The following TIPARP variants were observed in gnomAD, a reference collection of about 807,000 sequenced individuals.
TIPARP encodes the protein TCDD inducible poly(ADP-ribose) polymerase.
A neutral mutation model predicts 56.5 loss-of-function variants in TIPARP; 12 were observed. The ratio of observed to expected loss-of-function variants is 0.21; its 90% CI spans 0.14 to 0.34. The LOEUF (loss-of-function observed/expected upper bound fraction) is 0.34, where lower values mean the gene tolerates loss of function less well. TIPARP is among the 10% of genes least tolerant of loss of function. The pLI is 1.00. For missense variants in TIPARP, 604 were observed against 781.6 expected (o/e 0.77, Z 2.71); for synonymous variants, 296 against 265.7 (o/e 1.11, Z -1.11).
intron 4 of TIPARP, among the ~76,000 whole-genome samples, chr3:156,702,226 C>A (rs934546707): frequency 6.6e-6 from 1 of 152,118 alleles, no homozygotes; most frequent in African/African-American, 2.4e-5. Context: ...TAGAAACTAT[C>A]TAGATGGGCC....
intron 2 of TIPARP, among the ~76,000 whole-genome samples, chr3:156,693,588 T>C (rs1231609126): frequency 4.6e-5 from 7 of 152,206 alleles, no homozygotes; most frequent in African/African-American, 7.2e-5. Context: ...TGTATTCCTG[T>C]ATTGGCTCAA....
At chr3:156,686,080 TAAAA>T (rs1181745831) in intron 2 of TIPARP, among the ~76,000 whole-genome samples, 1 of 152,144 alleles carries the variant, frequency 6.6e-6, no homozygotes, top group Admixed American at 6.5e-5. Context: ...CTCATCCTAA[TAAAA>T]GAAAGACATC....
intron 2 of TIPARP, among the ~76,000 whole-genome samples, chr3:156,690,355 T>C (rs1577037979): frequency 1.3e-5 from 2 of 152,194 alleles, no homozygotes; most frequent in Admixed American, 6.5e-5. Context: ...TAAAGAAATA[T>C]GTGCGGCATA....
Position 156,704,790 on chromosome 3 carries a change from C to T in TIPARP, c.1633C>T (p.His545Tyr). The T allele has an allele frequency of 6.2e-7, 1 of 1,614,200 alleles. No individual in the cohort carries two copies. The highest frequency in any genetic ancestry group is 8.5e-7 in the Non-Finnish European group (1 of 1,180,032). The change falls in exon 6 of 6, where the codon CAC becomes TAC. Residue 545 changes from histidine (H) to tyrosine (Y), a missense_variant. Coordinates refer to ENST00000295924, the MANE Select transcript of TIPARP (RefSeq NM_015508.5). ...SQDVVDGICK[H>Y]NFDPRVCGKH... ...GGATGTGGTAGATGGAATCTGCAAA[C>T]ACAACTTTGACCCTCGAGTCTGTGG...
At chr3:156,700,795 A>G (rs1722827374) in intron 4 of TIPARP, among the ~76,000 whole-genome samples, 1 of 152,244 alleles carries the variant, frequency 6.6e-6, no homozygotes, top group Admixed American at 6.5e-5. Flanking sequence ...ACATCTTTCA[A>G]AATGGTAAGG....
chr3:156,692,452 C>A (rs955904646), intron 2 of TIPARP, among the ~76,000 whole-genome samples: 8 of 152,004 alleles, frequency 5.3e-5, no homozygotes, highest in East Asian at 1.9e-4. Context: ...AAAACAGTGG[C>A]CAAATATTAT....
intron 2 of TIPARP, among the ~76,000 whole-genome samples, chr3:156,680,149 C>T (rs1322366889): frequency 6.6e-6 from 1 of 152,042 alleles, no homozygotes; most frequent in African/African-American, 2.4e-5. Flanking sequence ...AAAAGTATTA[C>T]ATAGAAGACC....
chr3:156,693,925 A>T, intron 2 of TIPARP, 95 bp from the exon 3 acceptor site: 1 of 1,321,482 alleles, frequency 7.6e-7, no homozygotes, highest in Non-Finnish European at 1.0e-6. Flanking sequence ...AGGCTATGCT[A>T]TGTATTTTTA....
At chr3:156,692,091 G>A (rs1452774784) in intron 2 of TIPARP, among the ~76,000 whole-genome samples, 2 of 152,096 alleles carry the variant, frequency 1.3e-5, no homozygotes, top group East Asian at 3.8e-4. Flanking sequence ...TTAACATAAT[G>A]ACTGCTGTTC....
chr3:156,695,768 G>A lies in TIPARP; in HGVS notation c.1087-97G>A. 2.1e-6 allele frequency: 3 copies of A among 1,425,580 alleles called. No homozygotes were observed. In the South Asian group the frequency reaches 4.6e-5, roughly 22 times the overall value. 88.3% of individuals were successfully genotyped at this position (1,425,580 alleles called of 1,614,324 possible). The stretch of plus-strand genomic sequence containing the variant: ...CTCACTGTACTTTATTGAAATTCCT[G>A]TGAGGTTAACTTTTGCCTTTGGTTA... On this transcript the variant is annotated intron_variant, in intron 3 of 5. Transcript: ENST00000295924.
chr3:156,674,890 C>G (rs1399654801), intron 1 of TIPARP, 94 bp downstream of exon 1: 1 of 153,146 alleles, frequency 6.5e-6, no homozygotes, highest in East Asian at 1.9e-4. Context: ...CCCGGCCCCG[C>G]GCCGGCAGTG....
chr3:156,689,228 G>T (rs1722508163), intron 2 of TIPARP, among the ~76,000 whole-genome samples: 2 of 152,012 alleles, frequency 1.3e-5, no homozygotes, highest in Admixed American at 6.6e-5. Flanking sequence ...CTTGTTAATA[G>T]CACCATTATC....
rs1239696007 is a variant in TIPARP, at chr3:156,695,941, A to G, written c.1163A>G (p.Tyr388Cys). 1 of 1,611,612 alleles carries G rather than the reference A, an allele frequency of 6.2e-7. No homozygotes were observed. Among genetic ancestry groups the G allele is most frequent in the Admixed American group, 1.7e-5 (1 of 59,472 alleles). ...CGATTTATGATGTGGAATAACCACT[A>G]CATCCTCCACAATTCATTCTTCAGG... ...EVRFMMWNNH[Y>C]ILHNSFFRRE... Residue 388 changes from tyrosine (Y) to cysteine (C), a missense_variant, in exon 4 of 6, where the codon TAC (tyrosine) becomes TGC (cysteine). Transcript: ENST00000295924.
chr3:156,686,132 T>TTTGTGCAGAGTATGTG (rs1722422335), intron 2 of TIPARP, among the ~76,000 whole-genome samples: 1 of 152,182 alleles, frequency 6.6e-6, no homozygotes, highest in African/African-American at 2.4e-5. Flanking sequence ...AGAGTCAGGG[T>TTTGTGCAGAGTATGTG]AAAGTATGTG....
rs1722211346 is a variant in TIPARP at position 156,678,558 on chromosome 3, G to A, written c.861G>A (p.Glu287=). 3 of 1,614,018 alleles carry A rather than the reference G, an allele frequency of 1.9e-6. No homozygotes were observed. The highest frequency in any genetic ancestry group is 1.7e-5 in the Admixed American group (1 of 60,004). Residue 287 remains glutamate, a synonymous_variant, in exon 2 of 6, where the codon GAG becomes GAA. Coordinates refer to ENST00000295924, the MANE Select transcript of TIPARP (RefSeq NM_015508.5). ...AGAGTGTATTCAATGATTCTCAGGA[G>A]CACTTGGAAAGATTTTACTGTAACC... The part of the protein sequence containing the change: ...KWQSVFNDSQ[E]HLERFYCNPE...
intron 2 of TIPARP, among the ~76,000 whole-genome samples, chr3:156,686,228 C>T (rs529288741): frequency 3.9e-5 from 6 of 152,212 alleles, no homozygotes; most frequent in Admixed American, 1.3e-4. Flanking sequence ...GTAAAGTGTT[C>T]TACAAATTTG....
intron 2 of TIPARP, among the ~76,000 whole-genome samples, chr3:156,692,555 C>T (rs750387284): frequency 6.6e-6 from 1 of 151,954 alleles, no homozygotes; most frequent in Non-Finnish European, 1.5e-5. Flanking sequence ...TCTTACTAAG[C>T]AAGAAGTTTG....
rs1222441797 is a variant in TIPARP, at chr3:156,678,188, T to C, written c.491T>C (p.Leu164Ser). 2 of 1,614,034 alleles carry C rather than the reference T, an allele frequency of 1.2e-6. No homozygotes were observed. The highest frequency in any genetic ancestry group is 1.7e-6 in the Non-Finnish European group (2 of 1,180,038). ...CCAGCTCACTTCCAGACTGATCTTT[T>C]GCACCCAGTTTCAAGTGATGTTCCT... is the stretch of plus-strand genomic sequence containing the variant. Reference protein sequence around the residue: ...STPAHFQTDLLHPVSSDVPTS... With the variant: ...STPAHFQTDLSHPVSSDVPTS... Residue 164 changes from leucine to serine, a missense_variant, in exon 2 of 6, where the codon TTG becomes TCG. Coordinates refer to ENST00000295924, the MANE Select transcript of TIPARP (RefSeq NM_015508.5).
At chr3:156,696,267 A>G (rs1006902065) in intron 4 of TIPARP, among the ~76,000 whole-genome samples, 1 of 152,184 alleles carries the variant, frequency 6.6e-6, no homozygotes, top group Non-Finnish European at 1.5e-5. Context: ...TTTTTCCACA[A>G]CTAAATATAA....
Sources: allele counts gnomAD v4.1 joint callset (sites outside exome capture counted in the v4.1 genomes callset), GRCh38; gene constraint gnomAD v4.1.1; transcripts MANE v1.5; gene names NCBI Gene and HGNC (gene_info 2026-07-23, HGNC 2026-07-21).